Variants in GNAQ observed in about 807,000 individuals in gnomAD.
GNAQ encodes the protein guanine nucleotide-binding protein G(q) subunit alpha.
GNAQ carries 8 observed loss-of-function variants against 43.9 expected under a neutral mutation model. The ratio of observed to expected loss-of-function variants is 0.18; its 90% CI spans 0.11 to 0.33. The LOEUF (loss-of-function observed/expected upper bound fraction) is 0.33, where lower values mean the gene tolerates loss of function less well. Among genes scored for constraint, GNAQ ranks in the 10% least tolerant of loss-of-function variants. GNAQ has a pLI of 1.00. For synonymous variants in GNAQ, 155 were observed against 170.7 expected (o/e 0.91, Z 0.71); for missense variants, 158 against 450.8 (o/e 0.35, Z 5.88).
intron 2 of GNAQ, among the ~76,000 whole-genome samples, chr9:77,917,855 A>C (rs575644458): frequency 6.6e-6 from 1 of 152,314 alleles, no homozygotes; most frequent in East Asian, 1.9e-4. Context: ...TTTGGCAAAA[A>C]GTACAAGAAC....
Position 77,820,988 on chromosome 9 carries a change from T to A in GNAQ, c.322-5218A>T, listed in dbSNP as rs144993314. ...CCATTAATAATTATTTCAACAAATA[T>A]TTATCGCTCATGTGTTAGACAATAC... On this transcript the variant is annotated intron_variant, in intron 2 of 6. Coordinates refer to ENST00000286548, the MANE Select transcript of GNAQ (RefSeq NM_002072.5). 3.3e-5 allele frequency among the ~76,000 whole-genome samples: 5 copies of A among 152,308 alleles called. No individual in the cohort carries two copies. In the East Asian group the frequency reaches 7.7e-4, roughly 24 times the overall value.
rs372649186 is a variant in GNAQ, at chr9:77,914,764, A to G, written c.321+7397T>C. On this transcript the variant is annotated intron_variant, in intron 2 of 6. Transcript: ENST00000286548. The stretch of plus-strand genomic sequence containing the variant: ...TAGGCTGTTTTGGTACCCTGTGGCC[A>G]AGAATCCAATTAAAATCACTGTCAC... Among the ~76,000 whole-genome samples, 21 of 151,974 alleles carry G rather than the reference A, an allele frequency of 1.4e-4. No homozygotes were observed. The East Asian group carries it at 3.1e-3, about 22-fold the overall frequency.
chr9:77,926,620 TA>T (rs1829076348), intron 1 of GNAQ, among the ~76,000 whole-genome samples: 1 of 152,204 alleles, frequency 6.6e-6, no homozygotes, highest in Admixed American at 6.5e-5. Flanking sequence ...TCATTTTTGC[TA>T]ATTTAAATAT....
chr9:77,742,672 G>A (rs76857640), intron 5 of GNAQ, among the ~76,000 whole-genome samples: 30 of 151,592 alleles, frequency 2.0e-4, no homozygotes, highest in Non-Finnish European at 2.9e-4. Flanking sequence ...AAACAAGTGC[G>A]ATGGGTGATA....
rs528717869 is a variant in GNAQ at position 77,945,483 on chromosome 9, T to C, written c.137-23138A>G. On this transcript the variant is annotated intron_variant, in intron 1 of 6. Coordinates refer to ENST00000286548, the MANE Select transcript of GNAQ (RefSeq NM_002072.5). ...AAACGGCCCTCCATTATTTTATGCA[T>C]GTGGCTTTTCAATAAAGTGTTTATT... Among the ~76,000 whole-genome samples, 4 of 152,314 alleles carry C rather than the reference T, an allele frequency of 2.6e-5. No homozygotes were observed. The East Asian group carries it at 5.8e-4, about 22-fold the overall frequency.
chr9:77,976,455 C>T (rs1318581775), intron 1 of GNAQ, among the ~76,000 whole-genome samples: 1 of 152,036 alleles, frequency 6.6e-6, no homozygotes, highest in Non-Finnish European at 1.5e-5. Context: ...TGCAATGGCA[C>T]GATCTCAACT....
At chr9:77,801,936 A>C (rs1217657129) in intron 3 of GNAQ, among the ~76,000 whole-genome samples, 3 of 152,078 alleles carry the variant, frequency 2.0e-5, no homozygotes, top group Non-Finnish European at 4.4e-5. Context: ...GCACTTTGGG[A>C]AGCCCAGATC....
intron 1 of GNAQ, among the ~76,000 whole-genome samples, chr9:77,958,570 T>C (rs1207222732): frequency 1.3e-5 from 2 of 152,238 alleles, no homozygotes; most frequent in African/African-American, 4.8e-5. Flanking sequence ...CTGACAAATA[T>C]TTTTCAAGAA....
At chr9:77,754,677 G>C (rs1825870485) in intron 5 of GNAQ, among the ~76,000 whole-genome samples, 2 of 152,184 alleles carry the variant, frequency 1.3e-5, no homozygotes, top group Admixed American at 1.3e-4. Flanking sequence ...TAATAGGAAA[G>C]ATGGTTCCAA....
chr9:77,853,992 G>A (rs553333851), intron 2 of GNAQ, among the ~76,000 whole-genome samples: 1 of 151,966 alleles, frequency 6.6e-6, no homozygotes, highest in South Asian at 2.1e-4. Flanking sequence ...ATGAGTTAGG[G>A]GCTCAAACTA....
chr9:77,829,620 G>C (rs1827263952), intron 2 of GNAQ, among the ~76,000 whole-genome samples: 1 of 152,106 alleles, frequency 6.6e-6, no homozygotes, highest in African/African-American at 2.4e-5. Flanking sequence ...CCGCAGCCTT[G>C]AGAGCCCAAG....
intron 1 of GNAQ, among the ~76,000 whole-genome samples, chr9:77,992,715 C>A (rs532571410): frequency 1.3e-5 from 2 of 151,994 alleles, no homozygotes; most frequent in Non-Finnish European, 1.5e-5. Context: ...AGGCTGAAGG[C>A]GGGTGGATCA....
At chr9:77,915,231 T>G (rs1278314055) in intron 2 of GNAQ, among the ~76,000 whole-genome samples, 5 of 152,218 alleles carry the variant, frequency 3.3e-5, no homozygotes, top group African/African-American at 1.2e-4. Flanking sequence ...CTGTACCTCT[T>G]TTAGTATCCC....
intron 1 of GNAQ, among the ~76,000 whole-genome samples, chr9:77,997,722 C>A (rs1587453163): frequency 1.3e-5 from 2 of 152,166 alleles, no homozygotes; most frequent in East Asian, 3.9e-4. Context: ...GGCCTAGATC[C>A]TCCCTGGAGG....
At chr9:77,799,804 T>C (rs1826714304) in intron 3 of GNAQ, among the ~76,000 whole-genome samples, 1 of 152,206 alleles carries the variant, frequency 6.6e-6, no homozygotes, top group African/African-American at 2.4e-5. Flanking sequence ...AGGGGCCTTA[T>C]CCCTGATACA....
At chr9:77,769,271 A>T (rs1826181927) in intron 5 of GNAQ, among the ~76,000 whole-genome samples, 2 of 152,020 alleles carry the variant, frequency 1.3e-5, no homozygotes, top group South Asian at 4.2e-4. Flanking sequence ...GGGTGGTGGC[A>T]TGCGCCTGTA....
chr9:77,856,813 C>G (rs1400183071), intron 2 of GNAQ, among the ~76,000 whole-genome samples: 1 of 152,170 alleles, frequency 6.6e-6, no homozygotes, highest in Non-Finnish European at 1.5e-5. Context: ...TATTACTTTT[C>G]ATTGTTTAAC....
At chr9:77,829,977 G>A (rs979591772) in intron 2 of GNAQ, among the ~76,000 whole-genome samples, 4 of 151,848 alleles carry the variant, frequency 2.6e-5, no homozygotes, top group Admixed American at 6.6e-5. Context: ...TTGAGACAGG[G>A]TCTTACTCTT....
intron 1 of GNAQ, among the ~76,000 whole-genome samples, chr9:78,014,418 G>A (rs868199463): frequency 4.6e-5 from 7 of 152,056 alleles, no homozygotes; most frequent in Non-Finnish European, 7.4e-5. Context: ...AGACCAGCCC[G>A]ACCAACATGG....
Sources: gnomAD v4.1 joint callset for allele counts (sites outside exome capture counted in the v4.1 genomes callset) on GRCh38, gnomAD v4.1.1 for gene constraint, MANE v1.5 for transcripts, NCBI Gene and HGNC (gene_info 2026-07-23, HGNC 2026-07-21) for gene names.